Variants in PRKN observed in about 807,000 individuals in gnomAD.
The protein encoded by PRKN is parkin RBR E3 ubiquitin protein ligase, also known as E3 ubiquitin-protein ligase parkin.
In PRKN, 56 loss-of-function variants were observed where a neutral mutation model predicts 59.5. The ratio of observed to expected loss-of-function variants is 0.94; its 90% CI spans 0.76 to 1.18. The LOEUF is 1.18. Among genes scored for constraint, PRKN ranks in the 50% most tolerant of loss-of-function variants. PRKN has a pLI of 0.00. For synonymous variants in PRKN, 250 were observed against 222.1 expected, an observed-to-expected ratio of 1.13 and a Z score of -1.12; for missense variants, 657 against 596.4, an observed-to-expected ratio of 1.10 and a Z score of -1.06.
chr6:161,864,727 A>G (rs7743757), intron 6 of PRKN, among the ~76,000 whole-genome samples: 129,751 of 152,030 alleles, frequency 0.85, 55,690 homozygotes, highest in African/African-American at 0.93. Flanking sequence ...CATGATCTCA[A>G]CTCACTGCAA....
intron 2 of PRKN, among the ~76,000 whole-genome samples, chr6:162,408,678 T>C (rs958721877): frequency 2.6e-5 from 4 of 152,174 alleles, no homozygotes; most frequent in African/African-American, 7.2e-5. Flanking sequence ...TTGGCAAACA[T>C]GCTTAGGGGT....
At chr6:161,351,330 A>AT (rs1047342322) in intron 11 of PRKN, among the ~76,000 whole-genome samples, 2,613 of 144,882 alleles carry the variant, frequency 0.018, 48 homozygotes, top group Non-Finnish European at 0.027. Context: ...TATTATTTCT[A>AT]TTTTTTTTTT....
intron 4 of PRKN, among the ~76,000 whole-genome samples, chr6:162,150,047 A>G (rs1782200718): frequency 6.6e-6 from 1 of 152,232 alleles, no homozygotes; most frequent in Admixed American, 6.5e-5. Flanking sequence ...CTTCACATGC[A>G]GATTCCTGAA....
At chr6:161,703,299 A>G (rs1485810176) in intron 7 of PRKN, among the ~76,000 whole-genome samples, 1 of 152,206 alleles carries the variant, frequency 6.6e-6, no homozygotes, top group Non-Finnish European at 1.5e-5. Context: ...CCTTGTCTCT[A>G]ACAAACAAAA....
Position 161,377,031 on chromosome 6 carries a change from C to T in PRKN, c.1167+9763G>A, listed in dbSNP as rs138173980. On this transcript the variant is annotated intron_variant, in intron 10 of 11. Transcript: ENST00000366898. The surrounding 1 kb of genome is among the most constrained non-coding windows in gnomAD (Gnocchi z 4.2). ...CCGAGGAGCAAAGGGCAGGGTCAGG[C>T]GGCATGCAAGCGCCCTGTCTCTGCG... Among the ~76,000 whole-genome samples, 86 of 152,348 alleles carry T rather than the reference C, an allele frequency of 5.6e-4. No individual in the cohort carries two copies. The highest frequency in any genetic ancestry group is 1.8e-3 in the African/African-American group (74 of 41,594).
chr6:162,679,421 G>A (rs1456599855), intron 1 of PRKN, among the ~76,000 whole-genome samples: 1 of 152,038 alleles, frequency 6.6e-6, no homozygotes, highest in Non-Finnish European at 1.5e-5. Context: ...TTGAAGAGCC[G>A]AATTTCTTAG....
intron 7 of PRKN, among the ~76,000 whole-genome samples, chr6:161,677,961 T>G (rs1032211095): frequency 1.3e-5 from 2 of 152,326 alleles, no homozygotes; most frequent in Admixed American, 1.3e-4. Context: ...TTTTAAGAAC[T>G]GCCTCCAGGA....
intron 5 of PRKN, among the ~76,000 whole-genome samples, chr6:162,041,636 T>G (rs1358325530): frequency 6.6e-6 from 1 of 152,216 alleles, no homozygotes; most frequent in Non-Finnish European, 1.5e-5. Context: ...CAGGAGGTAC[T>G]CCAGTTGTGA....
At chr6:162,300,331 T>C (rs1019809383) in intron 2 of PRKN, among the ~76,000 whole-genome samples, 2 of 152,058 alleles carry the variant, frequency 1.3e-5, no homozygotes, top group South Asian at 4.2e-4. Context: ...AGCTGTCATA[T>C]TTGCAAAGAC....
At chr6:161,685,987 TA>T (rs1785536591) in intron 7 of PRKN, among the ~76,000 whole-genome samples, 1 of 151,624 alleles carries the variant, frequency 6.6e-6, no homozygotes. Flanking sequence ...TCTAGTGACT[TA>T]TGTAAATATA....
chr6:161,851,272 G>C (rs1793421624), intron 6 of PRKN, among the ~76,000 whole-genome samples: 1 of 152,012 alleles, frequency 6.6e-6, no homozygotes, highest in Non-Finnish European at 1.5e-5. Flanking sequence ...ACCATGTTAT[G>C]AATCAGTAGG....
intron 2 of PRKN, among the ~76,000 whole-genome samples, chr6:162,353,534 C>T (rs1352200056): frequency 6.6e-6 from 1 of 151,972 alleles, no homozygotes; most frequent in African/African-American, 2.4e-5. Flanking sequence ...TTCATATTCA[C>T]ATATGTATAC....
intron 5 of PRKN, among the ~76,000 whole-genome samples, chr6:162,045,508 G>T (rs1784217656): frequency 6.6e-6 from 1 of 152,230 alleles, no homozygotes; most frequent in Non-Finnish European, 1.5e-5. Context: ...AACAGTACGT[G>T]ACATCGTCTC....
At chr6:162,468,014 C>T (rs770414653) in intron 1 of PRKN, among the ~76,000 whole-genome samples, 2 of 152,124 alleles carry the variant, frequency 1.3e-5, no homozygotes, top group African/African-American at 2.4e-5. Flanking sequence ...CCTAATTAAG[C>T]AGCCTCCCTA....
In PRKN at chr6:161,395,508, G is replaced by C. The variant is rs1478750983; in HGVS notation, c.1084-8631C>G. ...GAAATTTCTAGACATGAAATAGCTG[G>C]GTCCAAGGGCATATGGACTTTCCAT... On this transcript the variant is annotated intron_variant, in intron 9 of 11. Coordinates refer to ENST00000366898, the MANE Select transcript of PRKN (RefSeq NM_004562.3). The surrounding 1 kb of genome is among the most constrained non-coding windows in gnomAD (Gnocchi z 5.0). 6.6e-6 allele frequency among the ~76,000 whole-genome samples: 1 copy of C among 152,128 alleles called. No homozygotes were observed. Among genetic ancestry groups the C allele is most frequent in the African/African-American group, 2.4e-5 (1 of 41,414 alleles).
intron 2 of PRKN, among the ~76,000 whole-genome samples, chr6:162,300,435 C>G (rs956813889): frequency 6.6e-6 from 1 of 152,044 alleles, no homozygotes; most frequent in African/African-American, 2.4e-5. Flanking sequence ...AAGAGAAGAT[C>G]ATGCAAAATG....
At position 161,442,731 on chromosome 6, in the gene PRKN, C is replaced by T. The variant is rs900651823; in HGVS notation, c.1084-55854G>A. Among the ~76,000 whole-genome samples the T allele has an allele frequency of 6.6e-6, 1 of 152,222 alleles. No individual in the cohort carries two copies. ...ACCAACACCCATGAATGCTTTTCAA[C>T]GAAGTTGCTAGAATGCAGCCGTGGA... On this transcript the variant is annotated intron_variant, in intron 9 of 11. Coordinates refer to ENST00000366898, the MANE Select transcript of PRKN (RefSeq NM_004562.3). This position sits in a 1 kb window ranked among gnomAD's most constrained non-coding sequence, Gnocchi z 4.6.
At chr6:162,438,083 C>T (rs1302562614) in intron 2 of PRKN, among the ~76,000 whole-genome samples, 1 of 152,148 alleles carries the variant, frequency 6.6e-6, no homozygotes, top group African/African-American at 2.4e-5. Context: ...TCCTCACCAG[C>T]ATTTGGTGTT....
intron 5 of PRKN, among the ~76,000 whole-genome samples, chr6:162,044,299 A>C (rs1291936830): frequency 2.0e-5 from 3 of 152,132 alleles, no homozygotes; most frequent in African/African-American, 7.2e-5. Flanking sequence ...GGAACGAACA[A>C]ACGAAAAGGA....
Sources: allele counts gnomAD v4.1 joint callset (sites outside exome capture counted in the v4.1 genomes callset), GRCh38; gene constraint gnomAD v4.1.1; non-coding constraint Gnocchi (gnomAD v3.1); transcripts MANE v1.5; gene names NCBI Gene and HGNC (gene_info 2026-07-23, HGNC 2026-07-21).